Variants in XPR1 observed in about 807,000 individuals in gnomAD.
XPR1 encodes the protein solute carrier family 53 member 1.
In XPR1, 28 loss-of-function variants were observed where a neutral mutation model predicts 87.5. The ratio of observed to expected loss-of-function variants is 0.32; its 90% CI spans 0.24 to 0.44. The LOEUF (loss-of-function observed/expected upper bound fraction) is 0.44, where lower values mean the gene tolerates loss of function less well. Ranked by LOEUF, XPR1 falls within the 20% of genes least tolerant of loss-of-function variation. The pLI is 1.00. For synonymous variants in XPR1, 300 were observed against 306.1 expected, an observed-to-expected ratio of 0.98 and a Z score of 0.21; for missense variants, 559 against 862.3, an observed-to-expected ratio of 0.65 and a Z score of 4.41.
intron 2 of XPR1, among the ~76,000 whole-genome samples, chr1:180,687,338 A>G (rs1252123215): frequency 6.6e-6 from 1 of 152,166 alleles, no homozygotes; most frequent in Non-Finnish European, 1.5e-5. Flanking sequence ...AAAATGACAA[A>G]TATTTATAGT....
At chr1:180,817,576 A>ACCAT (rs1650457387) in intron 7 of XPR1, among the ~76,000 whole-genome samples, 1 of 152,252 alleles carries the variant, frequency 6.6e-6, no homozygotes, top group African/African-American at 2.4e-5. Flanking sequence ...TATTCTGTAC[A>ACCAT]GTAACATGGT....
rs116725727 is a variant in XPR1 at position 180,841,694 on chromosome 1, C to T, written c.1501+4978C>T. ...CCAAGTAACATAGCTACTTACTCACCGAACACTATTCAGTACTCACTGTCA... is the reference window on the plus strand; with the variant it reads ...CCAAGTAACATAGCTACTTACTCACTGAACACTATTCAGTACTCACTGTCA... On this transcript the variant is annotated intron_variant, in intron 11 of 14. Coordinates refer to ENST00000367590, the MANE Select transcript of XPR1 (RefSeq NM_004736.4). 7.8e-3 allele frequency among the ~76,000 whole-genome samples: 1,186 copies of T among 152,092 alleles called. 16 individuals are homozygous for T. The highest frequency in any genetic ancestry group is 0.027 in the African/African-American group (1,133 of 41,480).
intron 1 of XPR1, among the ~76,000 whole-genome samples, chr1:180,679,217 C>T (rs1457760919): frequency 6.7e-6 from 1 of 149,462 alleles, no homozygotes; most frequent in African/African-American, 2.5e-5. Context: ...AACAAACAAA[C>T]AAAAAAAACG....
intron 2 of XPR1, among the ~76,000 whole-genome samples, chr1:180,759,691 GA>G (rs1292406685): frequency 6.6e-6 from 1 of 152,194 alleles, no homozygotes; most frequent in Non-Finnish European, 1.5e-5. Context: ...GAGGTACAAG[GA>G]GGAGCTGGTA....
rs1647903293 is a variant in XPR1 at position 180,759,466 on chromosome 1, A to T, written c.122-28287A>T. On this transcript the variant is annotated intron_variant, in intron 2 of 14. Coordinates refer to ENST00000367590, the MANE Select transcript of XPR1 (RefSeq NM_004736.4). ...CGATCCCACAGAAATACAAACTACC[A>T]TCAGAGAATACTACAAACACCTCTA... Among the ~76,000 whole-genome samples the T allele has an allele frequency of 3.3e-5, 5 of 152,328 alleles. No homozygotes were observed. The South Asian group carries it at 1.0e-3, about 32-fold the overall frequency.
chr1:180,633,956 C>T (rs1034311017), intron 1 of XPR1, among the ~76,000 whole-genome samples: 11 of 152,254 alleles, frequency 7.2e-5, no homozygotes, highest in Middle Eastern at 3.4e-3. Context: ...GGATGTATGC[C>T]ATGATTCATT....
intron 10 of XPR1, among the ~76,000 whole-genome samples, chr1:180,835,552 A>G (rs1651254553): frequency 6.6e-6 from 1 of 151,908 alleles, no homozygotes; most frequent in African/African-American, 2.4e-5. Context: ...TGCCTTCATG[A>G]CAAAGATCTC....
chr1:180,656,376 A>ATT (rs1278537683), intron 1 of XPR1, among the ~76,000 whole-genome samples: 18 of 93,076 alleles, frequency 1.9e-4, no homozygotes, highest in African/African-American at 6.5e-4. Context: ...ATATTTATAT[A>ATT]TAATATTCAT....
At chr1:180,801,148 C>T (rs1366455986) in intron 3 of XPR1, among the ~76,000 whole-genome samples, 1 of 152,228 alleles carries the variant, frequency 6.6e-6, no homozygotes, top group Non-Finnish European at 1.5e-5. Context: ...CTTTCTGTTC[C>T]AAGGATCATT....
At chr1:180,865,463 C>T (rs939202914) in intron 12 of XPR1, among the ~76,000 whole-genome samples, 5 of 150,988 alleles carry the variant, frequency 3.3e-5, no homozygotes, top group Admixed American at 1.3e-4. Context: ...TGCAGTGGCA[C>T]GATCTCGGCT....
At chr1:180,764,256 G>A (rs745401278) in intron 2 of XPR1, among the ~76,000 whole-genome samples, 5 of 152,080 alleles carry the variant, frequency 3.3e-5, no homozygotes, top group South Asian at 2.1e-4. Flanking sequence ...ACCTTCAGCC[G>A]ATGTGTGTAA....
At chr1:180,860,841 G>C (rs922867726) in intron 11 of XPR1, among the ~76,000 whole-genome samples, 4 of 151,182 alleles carry the variant, frequency 2.6e-5, no homozygotes, top group Non-Finnish European at 5.9e-5. Flanking sequence ...TTGCAAGAGA[G>C]AAACACCAGA....
intron 11 of XPR1, among the ~76,000 whole-genome samples, chr1:180,857,963 T>A (rs1278825056): frequency 1.3e-5 from 2 of 152,212 alleles, no homozygotes; most frequent in East Asian, 3.8e-4. Flanking sequence ...ACACCTGTAA[T>A]CCCAGCACTT....
At chr1:180,682,481 G>A in intron 2 of XPR1, 70 bp downstream of exon 2, 1 of 1,315,838 alleles carries the variant, frequency 7.6e-7, no homozygotes, top group Non-Finnish European at 1.1e-6. Context: ...TTGTACTGCA[G>A]AGTATAAAAC....
At chr1:180,745,413 A>G (rs1007710414) in intron 2 of XPR1, among the ~76,000 whole-genome samples, 1 of 152,244 alleles carries the variant, frequency 6.6e-6, no homozygotes, top group African/African-American at 2.4e-5. Context: ...TGAGCATGCA[A>G]TATGCAGTAG....
chr1:180,762,575 T>A (rs1289818549), intron 2 of XPR1, among the ~76,000 whole-genome samples: 3 of 152,118 alleles, frequency 2.0e-5, no homozygotes, highest in Admixed American at 6.5e-5. Flanking sequence ...ACCAAAAAAT[T>A]AAGGGAACAG....
chr1:180,800,501 G>A (rs1649739760), intron 3 of XPR1, among the ~76,000 whole-genome samples: 1 of 152,230 alleles, frequency 6.6e-6, no homozygotes, highest in Admixed American at 6.5e-5. Context: ...TTGAATGTGA[G>A]CTTGAGAAAG....
intron 2 of XPR1, among the ~76,000 whole-genome samples, chr1:180,780,694 G>C (rs1325068523): frequency 6.7e-6 from 1 of 149,284 alleles, no homozygotes; most frequent in Non-Finnish European, 1.5e-5. Flanking sequence ...CGTGAACCTG[G>C]GAGGCGGAGC....
Position 180,776,462 on chromosome 1 carries a change from AATGG to A in XPR1, c.122-11289_122-11286del, listed in dbSNP as rs1390671093. On this transcript the variant is annotated intron_variant, in intron 2 of 14. Coordinates refer to ENST00000367590, the MANE Select transcript of XPR1 (RefSeq NM_004736.4). ...GGATTGTATAATGGAATAATTGTAT[AATGG>A]AAATTATACAATTTCCATTATACAA... 2.6e-5 allele frequency among the ~76,000 whole-genome samples: 4 copies of A among 151,996 alleles called. No homozygotes were observed. The East Asian group carries it at 7.7e-4, about 29-fold the overall frequency.
Sources: allele counts gnomAD v4.1 joint callset (sites outside exome capture counted in the v4.1 genomes callset), GRCh38; gene constraint gnomAD v4.1.1; transcripts MANE v1.5; gene names NCBI Gene and HGNC (gene_info 2026-07-23, HGNC 2026-07-21).